The following CEP112 variants were observed in gnomAD, a reference collection of about 807,000 sequenced individuals.
The protein encoded by CEP112 is centrosomal protein 112.
CEP112 carries 127 observed loss-of-function variants against 153.0 expected under a neutral mutation model. The observed-to-expected ratio is 0.83, with a 90% CI of 0.72 to 0.96. The LOEUF is 0.96. Ranked by LOEUF, CEP112 falls within the 40% of genes least tolerant of loss-of-function variation. CEP112 has a pLI of 0.00. For synonymous variants in CEP112, 358 were observed against 374.4 expected (o/e 0.96, Z 0.51); for missense variants, 1,089 against 1,101.2 (o/e 0.99, Z 0.16).
chr17:65,846,907 A>G (rs2057747066), intron 21 of CEP112, among the ~76,000 whole-genome samples: 1 of 152,208 alleles, frequency 6.6e-6, no homozygotes, highest in South Asian at 2.1e-4. Context: ...GGCATTAGAA[A>G]CAAATATTTC....
In CEP112 at chr17:65,640,236, C is replaced by T. The variant is rs1162714532; in HGVS notation, c.2799+728G>A. 2.1e-5 allele frequency among the ~76,000 whole-genome samples: 3 copies of T among 143,038 alleles called. No individual in the cohort carries two copies. The East Asian group carries it at 6.3e-4, about 30-fold the overall frequency. 93.8% of individuals were successfully genotyped at this position (143,038 alleles called of 152,430 possible). On this transcript the variant is annotated intron_variant, in intron 25 of 26. Coordinates refer to ENST00000535342, the MANE Select transcript of CEP112 (RefSeq NM_001199165.4). ...TGGTGTGATCTCGGCTCACTGCAAC[C>T]TCTGCCTCTGGGGTTCAAGTGATTC...
chr17:66,190,133 A>G (rs990477226), intron 1 of CEP112, among the ~76,000 whole-genome samples: 3 of 151,910 alleles, frequency 2.0e-5, no homozygotes, highest in Admixed American at 6.6e-5. Context: ...AGTTCGAGAC[A>G]AGCCTGGCCA....
intron 16 of CEP112, among the ~76,000 whole-genome samples, chr17:66,015,441 T>C (rs1018787833): frequency 7.2e-5 from 11 of 152,222 alleles, no homozygotes; most frequent in African/African-American, 2.7e-4. Flanking sequence ...AAGTCCATCA[T>C]CCAGTAATTT....
intron 18 of CEP112, among the ~76,000 whole-genome samples, chr17:65,959,755 TG>T (rs1274827586): frequency 6.6e-6 from 1 of 152,204 alleles, no homozygotes; most frequent in Non-Finnish European, 1.5e-5. Context: ...TGCTGGCACC[TG>T]GAGCTGCCCA....
chr17:66,166,061 A>C (rs1302801715), intron 4 of CEP112, among the ~76,000 whole-genome samples: 1 of 152,170 alleles, frequency 6.6e-6, no homozygotes, highest in Non-Finnish European at 1.5e-5. Context: ...TATTTAGATG[A>C]CCCAACATGA....
chr17:66,122,768 T>C (rs948486048), intron 6 of CEP112, among the ~76,000 whole-genome samples: 1 of 152,162 alleles, frequency 6.6e-6, no homozygotes, highest in East Asian at 1.9e-4. Context: ...CAGGCAGGGG[T>C]AGATGCTGAG....
At chr17:65,971,565 GTA>G (rs2062818891) in intron 17 of CEP112, among the ~76,000 whole-genome samples, 1 of 152,078 alleles carries the variant, frequency 6.6e-6, no homozygotes, top group South Asian at 2.1e-4. Flanking sequence ...CATGTGTGTT[GTA>G]TGTATATGGC....
At chr17:65,689,458 T>C (rs974429338) in intron 23 of CEP112, among the ~76,000 whole-genome samples, 2 of 152,200 alleles carry the variant, frequency 1.3e-5, no homozygotes, top group African/African-American at 2.4e-5. Context: ...GTCAATCATA[T>C]ATTAAAATGT....
chr17:65,822,488 A>G (rs780862100), intron 21 of CEP112, among the ~76,000 whole-genome samples: 2 of 152,182 alleles, frequency 1.3e-5, no homozygotes, highest in Admixed American at 6.5e-5. Context: ...TGGTTGTTAT[A>G]CTGTATTGTT....
intron 6 of CEP112, among the ~76,000 whole-genome samples, chr17:66,110,195 G>C (rs1024361807): frequency 6.6e-6 from 1 of 152,020 alleles, no homozygotes; most frequent in Non-Finnish European, 1.5e-5. Flanking sequence ...AGCCAGGCGT[G>C]GTTGTACACA....
intron 20 of CEP112, among the ~76,000 whole-genome samples, chr17:65,858,908 C>T (rs967840397): frequency 2.0e-5 from 3 of 152,298 alleles, no homozygotes; most frequent in African/African-American, 7.2e-5. Flanking sequence ...ATCTTCCACT[C>T]ACCCGGACTG....
intron 21 of CEP112, among the ~76,000 whole-genome samples, chr17:65,837,242 G>A (rs2146185059): frequency 6.6e-6 from 1 of 152,024 alleles, no homozygotes; most frequent in Non-Finnish European, 1.5e-5. Flanking sequence ...AGGAAGTGAG[G>A]AGCGTCTCTG....
At chr17:66,130,625 A>T (rs1364387349) in intron 5 of CEP112, among the ~76,000 whole-genome samples, 1 of 151,868 alleles carries the variant, frequency 6.6e-6, no homozygotes, top group Non-Finnish European at 1.5e-5. Context: ...AATACAAAAA[A>T]ATTAGCCGGG....
intron 17 of CEP112, among the ~76,000 whole-genome samples, chr17:65,995,802 A>G (rs751210613): frequency 1.3e-5 from 2 of 152,170 alleles, no homozygotes; most frequent in Non-Finnish European, 2.9e-5. Flanking sequence ...AGATAACTGA[A>G]TCATGGGTAC....
intron 4 of CEP112, among the ~76,000 whole-genome samples, chr17:66,161,113 C>T (rs2071683093): frequency 6.6e-6 from 1 of 152,090 alleles, no homozygotes; most frequent in Admixed American, 6.5e-5. Context: ...TAGAGAAATG[C>T]AAATCAAAAC....
chr17:66,147,092 T>C (rs1287709710), intron 4 of CEP112, among the ~76,000 whole-genome samples: 1 of 152,150 alleles, frequency 6.6e-6, no homozygotes, highest in Non-Finnish European at 1.5e-5. Context: ...TACCATGTCA[T>C]TTCCAACAGC....
At chr17:65,723,600 A>C (rs1193232188) in intron 23 of CEP112, among the ~76,000 whole-genome samples, 3 of 152,212 alleles carry the variant, frequency 2.0e-5, no homozygotes, top group Non-Finnish European at 4.4e-5. Context: ...AGAATATAAA[A>C]GATGGGAAAA....
chr17:65,875,558 C>T (rs2058800426), intron 20 of CEP112, among the ~76,000 whole-genome samples: 1 of 152,088 alleles, frequency 6.6e-6, no homozygotes, highest in African/African-American at 2.4e-5. Flanking sequence ...ATTTAGTTTA[C>T]TTACACCATT....
At chr17:65,920,374 T>TATATATAC (rs1399125862) in intron 19 of CEP112, among the ~76,000 whole-genome samples, 2 of 82,120 alleles carry the variant, frequency 2.4e-5, no homozygotes, top group Non-Finnish European at 4.7e-5. Flanking sequence ...TATATATATA[T>TATATATAC]ATATATATAT....
Sources: allele counts gnomAD v4.1 joint callset (sites outside exome capture counted in the v4.1 genomes callset), GRCh38; gene constraint gnomAD v4.1.1; transcripts MANE v1.5; gene names NCBI Gene and HGNC (gene_info 2026-07-23, HGNC 2026-07-21).